Variants in PAFAH1B2 observed in about 807,000 individuals in gnomAD.
PAFAH1B2 encodes platelet-activating factor acetylhydrolase IB subunit alpha2.
In PAFAH1B2, 8 loss-of-function variants were observed where a neutral mutation model predicts 28.0. That is an observed-to-expected ratio of 0.29 (90% CI 0.17 to 0.52). The LOEUF is 0.52. Ranked by LOEUF, PAFAH1B2 falls within the 20% of genes least tolerant of loss-of-function variation. The probability of loss-of-function intolerance (pLI) is 0.97; values close to 1 mark genes in which losing one functional copy is unlikely to be tolerated. For missense variants in PAFAH1B2, 190 were observed against 282.6 expected, an observed-to-expected ratio of 0.67 and a Z score of 2.35; for synonymous variants, 104 against 103.2, an observed-to-expected ratio of 1.01 and a Z score of -0.05.
chr11:117,160,921 G>A (rs1401006289), intron 3 of PAFAH1B2, among the ~76,000 whole-genome samples: 1 of 152,066 alleles, frequency 6.6e-6, no homozygotes, highest in Non-Finnish European at 1.5e-5. Context: ...CCTTTTAGGG[G>A]GCATCAGATT....
At chr11:117,172,348 TTATATATATATATATATATATATATATA>T (rs1213181198), downstream of PAFAH1B2, among the ~76,000 whole-genome samples, 5 of 91,248 alleles carry the variant, frequency 5.5e-5, no homozygotes, top group African/African-American at 1.6e-4. Flanking sequence ...CATTCTAGCT[TTATATATATATATATATATATATATATA>T]TATATATATA....
At chr11:117,162,140 A>G (rs1956387825) in intron 4 of PAFAH1B2, among the ~76,000 whole-genome samples, 1 of 152,132 alleles carries the variant, frequency 6.6e-6, no homozygotes, top group Admixed American at 6.6e-5. Flanking sequence ...CTTTCATTGA[A>G]AGTTGTTTGT....
intron 1 of PAFAH1B2, among the ~76,000 whole-genome samples, chr11:117,146,854 A>G (rs1956022676): frequency 6.8e-6 from 1 of 147,332 alleles, no homozygotes; most frequent in African/African-American, 2.5e-5. Context: ...AAAAAAAAAA[A>G]AGGTCAGGCA....
chr11:117,147,690 T>C (rs1039849694), intron 1 of PAFAH1B2, among the ~76,000 whole-genome samples: 2 of 152,184 alleles, frequency 1.3e-5, no homozygotes, highest in African/African-American at 4.8e-5. Flanking sequence ...AATAAGATTT[T>C]GATTGACAAA....
downstream of PAFAH1B2, among the ~76,000 whole-genome samples, chr11:117,173,568 C>G (rs569017329): frequency 6.6e-6 from 1 of 152,260 alleles, no homozygotes; most frequent in Non-Finnish European, 1.5e-5. Context: ...GCCTCAAACA[C>G]GTAGCCTCGC....
At chr11:117,149,033 ATTTTT>A (rs71037462) in intron 1 of PAFAH1B2, among the ~76,000 whole-genome samples, 11 of 118,618 alleles carry the variant, frequency 9.3e-5, no homozygotes, top group South Asian at 2.7e-4. Flanking sequence ...ACACCTGCCA[ATTTTT>A]TTTTTTTTTT....
At chr11:117,162,035 C>T (rs1484943980) in intron 4 of PAFAH1B2, among the ~76,000 whole-genome samples, 2 of 152,126 alleles carry the variant, frequency 1.3e-5, no homozygotes, top group East Asian at 1.9e-4. Context: ...CATTTCTACC[C>T]AGTATCTTAT....
intron 5 of PAFAH1B2, among the ~76,000 whole-genome samples, chr11:117,166,744 A>G (rs571725820): frequency 6.6e-6 from 1 of 152,150 alleles, no homozygotes; most frequent in African/African-American, 2.4e-5. Context: ...ATAGTATATT[A>G]TGGTGTGGGT....
At chr11:117,159,838 G>C in intron 2 of PAFAH1B2, 96 bp from the exon 3 acceptor site, 2 of 820,582 alleles carry the variant, frequency 2.4e-6, no homozygotes, top group Non-Finnish European at 4.2e-6. Flanking sequence ...TTATTCTCCT[G>C]TCCTGGCCTC....
downstream of PAFAH1B2, among the ~76,000 whole-genome samples, chr11:117,172,511 A>C (rs1956696139): frequency 6.6e-6 from 1 of 150,980 alleles, no homozygotes; most frequent in Non-Finnish European, 1.5e-5. Flanking sequence ...TCAGCCACTG[A>C]GTTAAAAGAT....
intron 1 of PAFAH1B2, among the ~76,000 whole-genome samples, chr11:117,149,608 A>G (rs375974105): frequency 1.5e-3 from 214 of 143,042 alleles, no homozygotes; most frequent in African/African-American, 5.3e-3. Context: ...TTTTTTTTGT[A>G]TTTTTAGTAG....
At chr11:117,147,018 C>T (rs928342973) in intron 1 of PAFAH1B2, among the ~76,000 whole-genome samples, 19 of 151,936 alleles carry the variant, frequency 1.3e-4, no homozygotes, top group Non-Finnish European at 2.6e-4. Context: ...CCTGTAATCC[C>T]AGCACTTTGG....
At chr11:117,166,209 A>G (rs1956507351) in intron 5 of PAFAH1B2, among the ~76,000 whole-genome samples, 1 of 152,158 alleles carries the variant, frequency 6.6e-6, no homozygotes, top group African/African-American at 2.4e-5. Flanking sequence ...GGGGGGCCAG[A>G]TCTTTTTTAT....
At chr11:117,159,771 T>G in intron 2 of PAFAH1B2, 163 bp from the exon 3 acceptor site, 3 of 529,368 alleles carry the variant, frequency 5.7e-6, no homozygotes, top group Non-Finnish European at 1.0e-5. Context: ...AAGTTGTTTT[T>G]GTAGAGATGG....
chr11:117,154,596 C>T (rs937475952), intron 2 of PAFAH1B2, among the ~76,000 whole-genome samples: 4 of 151,354 alleles, frequency 2.6e-5, no homozygotes, highest in East Asian at 1.9e-4. Context: ...GCCACCATGC[C>T]GGGCTAATTT....
chr11:117,174,730 G>T (rs527518277), downstream of PAFAH1B2, among the ~76,000 whole-genome samples: 2 of 151,310 alleles, frequency 1.3e-5, no homozygotes, highest in Admixed American at 6.6e-5. Flanking sequence ...CGTCCACCTT[G>T]GCCTCCCAAA....
At chr11:117,155,861 C>G (rs1036987111) in intron 2 of PAFAH1B2, among the ~76,000 whole-genome samples, 1 of 151,978 alleles carries the variant, frequency 6.6e-6, no homozygotes, top group Non-Finnish European at 1.5e-5. Context: ...CCCCTCACCC[C>G]CCAAAATAGC....
intron 2 of PAFAH1B2, among the ~76,000 whole-genome samples, chr11:117,158,037 C>T (rs550009670): frequency 6.6e-6 from 1 of 152,192 alleles, no homozygotes; most frequent in South Asian, 2.1e-4. Context: ...ACTCGGGAGG[C>T]TGAGGCACAA....
Position 117,169,980 on chromosome 11 carries a change from T to G in PAFAH1B2, c.*2281T>G. Reference sequence around the variant, plus strand: ...TTTGCTCATGTGTACAAACCTCAGATGTTACTACATTTTATATCTACCAGA... The same window carrying G: ...TTTGCTCATGTGTACAAACCTCAGAGGTTACTACATTTTATATCTACCAGA... On this transcript the variant is annotated 3_prime_UTR_variant, in exon 6 of 6. Transcript: ENST00000527958. 1 of 1,053,628 alleles carries G rather than the reference T, an allele frequency of 9.5e-7. No individual in the cohort carries two copies. The highest frequency in any genetic ancestry group is 1.1e-6 in the Non-Finnish European group (1 of 871,972). The allele number at this position is 1,053,628 out of a possible 1,614,324, so 65.3% of individuals were successfully genotyped here.
Sources: gnomAD v4.1 joint callset for allele counts (sites outside exome capture counted in the v4.1 genomes callset) on GRCh38, gnomAD v4.1.1 for gene constraint, MANE v1.5 for transcripts, NCBI Gene and HGNC (gene_info 2026-07-23, HGNC 2026-07-21) for gene names.